Variants in EXOSC3 observed in about 807,000 individuals in gnomAD.
EXOSC3 encodes the protein exosome complex component RRP40.
EXOSC3 carries 18 observed loss-of-function variants against 25.1 expected under a neutral mutation model. That is an observed-to-expected ratio of 0.72 (90% CI 0.50 to 1.06). The LOEUF (loss-of-function observed/expected upper bound fraction) is 1.06, where lower values mean the gene tolerates loss of function less well. Among genes scored for constraint, EXOSC3 ranks in the 50% least tolerant of loss-of-function variants. The pLI is 0.00. For missense variants in EXOSC3, 382 were observed against 350.9 expected, an observed-to-expected ratio of 1.09 and a Z score of -0.71; for synonymous variants, 165 against 132.2, an observed-to-expected ratio of 1.25 and a Z score of -1.70.
chr9:37,783,965 CAAAG>C lies in EXOSC3; in HGVS notation c.419_422del (p.Ser140CysfsTer62). Reference sequence around the variant, plus strand: ...TTGCACCTTCAAATGACAAGTAAGACAAAGAAGCTGGCTCACTCCCTCCAACATC... The same window carrying C: ...TTGCACCTTCAAATGACAAGTAAGACAAGCTGGCTCACTCCCTCCAACATC... On this transcript the variant is annotated frameshift_variant, in exon 2 of 4. Coordinates refer to ENST00000327304, the MANE Select transcript of EXOSC3 (RefSeq NM_016042.4). LOFTEE classifies it high-confidence loss of function. 2.5e-6 allele frequency: 4 copies of C among 1,613,658 alleles called. No individual in the cohort carries two copies. The highest frequency in any genetic ancestry group is 1.1e-5 in the South Asian group (1 of 91,050).
chr9:37,784,133 G>A, intron 1 of EXOSC3, 70 bp from the exon 2 acceptor site: 1 of 1,480,038 alleles, frequency 6.8e-7, no homozygotes, highest in Non-Finnish European at 9.1e-7. Context: ...CCTTCAGCAA[G>A]TCCTTTGTGG....
At position 37,783,797 on chromosome 9, in the gene EXOSC3, ATACAAGCTCAGAGATC is replaced by A. The variant is rs1256724188; in HGVS notation, c.474+101_474+116del. 1.4e-4 allele frequency: 146 copies of A among 1,069,424 alleles called. 1 individual carries two copies. The South Asian group carries it at 2.4e-3, about 18-fold the overall frequency. 66.2% of individuals were successfully genotyped at this position (1,069,424 alleles called of 1,614,324 possible). ...AACTCTTGGAGCCTGGGGCAATTAT[ATACAAGCTCAGAGATC>A]TAGGTCATGCTTTGGAGACAATTCA... On this transcript the variant is annotated intron_variant, in intron 2 of 3. Coordinates refer to ENST00000327304, the MANE Select transcript of EXOSC3 (RefSeq NM_016042.4).
Position 37,784,813 on chromosome 9 carries a change from G to A in EXOSC3, c.232C>T (p.Leu78=), listed in dbSNP as rs777069729. 6.2e-7 allele frequency: 1 copy of A among 1,608,588 alleles called. No individual in the cohort carries two copies. Among genetic ancestry groups the A allele is most frequent in the East Asian group, 2.2e-5 (1 of 44,724 alleles). The change falls in exon 1 of 4, where the codon CTG becomes TTG. Residue 78 remains leucine, a synonymous_variant. Transcript: ENST00000327304. ...GPGLRRCGDR[L]LVTKCGRLRH... ...AGGCGGCCGCACTTGGTGACCAGCA[G>A]GCGGTCCCCACAGCGCCGAAGGCCC...
At chr9:37,784,658 G>A in intron 1 of EXOSC3, 63 bp downstream of exon 1, 3 of 1,477,650 alleles carry the variant, frequency 2.0e-6, no homozygotes, top group South Asian at 2.7e-5. Context: ...TCTTTTGGGA[G>A]GTCTTCTCAA....
In EXOSC3 at chr9:37,781,922, T is replaced by A; in HGVS notation, c.626+64A>T. 3 of 1,529,788 alleles carry A rather than the reference T, an allele frequency of 2.0e-6. No homozygotes were observed. The South Asian group carries it at 3.8e-5, about 19-fold the overall frequency. 94.8% of individuals were successfully genotyped at this position (1,529,788 alleles called of 1,614,324 possible). Reference sequence around the variant, plus strand: ...TACAAAGAATCTGAATCCTGAAGATTAACCAACTTTCCAAGAATGTATAAT... The same window carrying A: ...TACAAAGAATCTGAATCCTGAAGATAAACCAACTTTCCAAGAATGTATAAT... On this transcript the variant is annotated intron_variant, in intron 3 of 3. Transcript: ENST00000327304.
Position 37,783,940 on chromosome 9 carries a change from T to C in EXOSC3, c.448A>G (p.Thr150Ala), listed in dbSNP as rs145464176. 1.4e-4 allele frequency: 232 copies of C among 1,612,502 alleles called. No individual in the cohort carries two copies. The highest frequency in any genetic ancestry group is 1.2e-3 in the African/African-American group (87 of 74,874). Residue 150 changes from threonine to alanine, a missense_variant, in exon 2 of 4, where the codon ACT (threonine) becomes GCT (alanine). Physicochemically the swap from Thr to Ala is moderately conservative, Grantham distance 58. Coordinates refer to ENST00000327304, the MANE Select transcript of EXOSC3 (RefSeq NM_016042.4). ...SLSYLSFEGA[T>A]KRNRPNVQVG... The stretch of plus-strand genomic sequence containing the variant: ...TGCACATTTGGTCTGTTTCTTTTAG[T>C]TGCACCTTCAAATGACAAGTAAGAC...
At chr9:37,781,307 T>A (rs1828590600) in intron 3 of EXOSC3, among the ~76,000 whole-genome samples, 1 of 151,464 alleles carries the variant, frequency 6.6e-6, no homozygotes, top group Non-Finnish European at 1.5e-5. Flanking sequence ...GGTGCTTGGT[T>A]AATAACATGC....
intron 2 of EXOSC3, 128 bp downstream of exon 2, chr9:37,783,785 TG>T: frequency 2.3e-6 from 2 of 883,268 alleles, no homozygotes; most frequent in Non-Finnish European, 3.2e-6. Context: ...TCTTGGAGCC[TG>T]GGGCAATTAT....
intron 2 of EXOSC3, among the ~76,000 whole-genome samples, chr9:37,783,523 G>A (rs990983457): frequency 6.6e-6 from 1 of 152,086 alleles, no homozygotes; most frequent in African/African-American, 2.4e-5. Context: ...TCAGCTCCTA[G>A]GACCTACAGC....
upstream of EXOSC3, chr9:37,785,075 C>T (rs759334071): frequency 6.4e-7 from 1 of 1,564,638 alleles, no homozygotes; most frequent in Non-Finnish European, 8.7e-7. Flanking sequence ...GTTTCCGGTA[C>T]CCGCCTTCCG....
chr9:37,783,296 A>C (rs1828634895), intron 2 of EXOSC3, among the ~76,000 whole-genome samples: 1 of 152,196 alleles, frequency 6.6e-6, no homozygotes, highest in Non-Finnish European at 1.5e-5. Flanking sequence ...GAGGGAGCTG[A>C]AGCCTGAACT....
In EXOSC3 at chr9:37,780,796, T is replaced by C. The variant is rs370386041; in HGVS notation, c.711A>G (p.Ile237Met). 1.9e-6 allele frequency: 3 copies of C among 1,614,004 alleles called. No homozygotes were observed. The highest frequency in any genetic ancestry group is 2.5e-6 in the Non-Finnish European group (3 of 1,179,934). The change falls in exon 4 of 4, where the codon ATA (isoleucine) becomes ATG (methionine). Residue 237 changes from isoleucine (I) to methionine (M), a missense_variant. Coordinates refer to ENST00000327304, the MANE Select transcript of EXOSC3 (RefSeq NM_016042.4). ...LEIVFGMNGR[I>M]WVKAKTIQQT... ...GCTGGATGGTTTTTGCCTTAACCCATATTCTTCCATTCATTCCAAATACTA... is the reference window on the plus strand; with the variant it reads ...GCTGGATGGTTTTTGCCTTAACCCACATTCTTCCATTCATTCCAAATACTA...
In EXOSC3 at chr9:37,780,676, A is replaced by G. The variant is rs545630638; in HGVS notation, c.*3T>C. ...AACTGACCTGTAAAAAAGTCCACCT[A>G]TATCAACTTTCTGCCAATCTGGAGA... is the stretch of plus-strand genomic sequence containing the variant. On this transcript the variant is annotated 3_prime_UTR_variant, in exon 4 of 4. Transcript: ENST00000327304. 8.7e-6 allele frequency: 14 copies of G among 1,612,782 alleles called. No homozygotes were observed. The highest frequency in any genetic ancestry group is 5.0e-5 in the Admixed American group (3 of 59,992).
At chr9:37,783,396 G>A (rs1331431424) in intron 2 of EXOSC3, among the ~76,000 whole-genome samples, 1 of 152,188 alleles carries the variant, frequency 6.6e-6, no homozygotes, top group Non-Finnish European at 1.5e-5. Context: ...TGCATGAGAA[G>A]TGAATGAGAA....
intron 3 of EXOSC3, among the ~76,000 whole-genome samples, chr9:37,781,197 A>G (rs1365403426): frequency 6.6e-6 from 1 of 151,948 alleles, no homozygotes; most frequent in Non-Finnish European, 1.5e-5. Flanking sequence ...TTTTATCTAC[A>G]GTGTTAAGAC....
In EXOSC3 at chr9:37,780,895, AAAG is replaced by A; in HGVS notation, c.627-18_627-16del. 6.2e-7 allele frequency: 1 copy of A among 1,605,622 alleles called. No individual in the cohort carries two copies. Among genetic ancestry groups the A allele is most frequent in the Non-Finnish European group, 8.5e-7 (1 of 1,175,824 alleles). ...GAGCTAATAGCCTGGTGGGAAGAGA[AAAG>A]AAAATGAAATTTAATGAAGTGGCAA... On this transcript the variant is annotated splice_polypyrimidine_tract_variant and intron_variant, in intron 3 of 3. Transcript: ENST00000327304.
intron 2 of EXOSC3, among the ~76,000 whole-genome samples, chr9:37,782,752 A>C (rs75826395): frequency 0.022 from 3,390 of 152,338 alleles, 122 homozygotes; most frequent in African/African-American, 0.077. Context: ...CTGTTCACTC[A>C]ACAAAACGTA....
At position 37,780,258 on chromosome 9, in the gene EXOSC3, CGTT is replaced by C. The variant is rs1391948007; in HGVS notation, c.*418_*420del. The C allele has an allele frequency of 6.2e-6, 1 of 162,096 alleles. No homozygotes were observed. Among genetic ancestry groups the C allele is most frequent in the Non-Finnish European group, 1.3e-5 (1 of 74,436 alleles). The allele number at this position is 162,096 out of a possible 1,614,324, so 10.0% of individuals were successfully genotyped here. On this transcript the variant is annotated 3_prime_UTR_variant, in exon 4 of 4. Transcript: ENST00000327304. ...ATACTTGGTAAATGAAAAAGTATTT[CGTT>C]GTTATATACTCACCCGCTGAATAAT...
chr9:37,779,755 C>G lies in EXOSC3; in HGVS notation c.*924G>C, dbSNP rs1828517729. On this transcript the variant is annotated 3_prime_UTR_variant, in exon 4 of 4. Transcript: ENST00000327304. ...AATAGAGTTCTATAATCTCTTTGAT[C>G]CAAAAAGGACTTTCTATGGATAGGC... The G allele has an allele frequency of 6.6e-6, 1 of 152,148 alleles. No individual in the cohort carries two copies. The highest frequency in any genetic ancestry group is 2.4e-5 in the African/African-American group (1 of 41,436). The allele number at this position is 152,148 out of a possible 1,614,324, so 9.4% of individuals were successfully genotyped here. A position where few individuals can be genotyped will look rare whatever the true frequency, so the allele number is the denominator to read the frequency against.
Sources: gnomAD v4.1 joint callset for allele counts (sites outside exome capture counted in the v4.1 genomes callset) on GRCh38, gnomAD v4.1.1 for gene constraint, MANE v1.5 for transcripts, NCBI Gene and HGNC (gene_info 2026-07-23, HGNC 2026-07-21) for gene names.